BATF2: variants seen among roughly 807,000 people sequenced by gnomAD.
BATF2 encodes the protein basic leucine zipper ATF-like transcription factor 2, also known as basic leucine zipper transcriptional factor ATF-like 2.
Under a neutral mutation model 7.3 loss-of-function variants are expected in BATF2, and 4 were observed. That is an observed-to-expected ratio of 0.55 (90% CI 0.27 to 1.26). BATF2 has a LOEUF of 1.26. BATF2 is among the 50% of genes most tolerant of loss of function. The pLI, the probability that BATF2 is intolerant of heterozygous loss-of-function variation, is 0.11. For synonymous variants in BATF2, 152 were observed against 153.9 expected, an observed-to-expected ratio of 0.99 and a Z score of 0.09; for missense variants, 295 against 340.5, an observed-to-expected ratio of 0.87 and a Z score of 1.05.
In BATF2 at chr11:64,989,984, C is replaced by G. The variant is rs1253218245; in HGVS notation, c.142-172G>C. 2.3e-5 allele frequency: 34 copies of G among 1,502,652 alleles called. No homozygotes were observed. The highest frequency in any genetic ancestry group is 2.8e-5 in the Non-Finnish European group (31 of 1,106,782). 93.1% of individuals were successfully genotyped at this position (1,502,652 alleles called of 1,614,324 possible). ...TGGCCAGCCCTTCATAACCACCTAC[C>G]AAGTCTCCCCTGTCCCACCCTCTGA... is the stretch of plus-strand genomic sequence containing the variant. On this transcript the variant is annotated intron_variant, in intron 2 of 2. Coordinates refer to ENST00000301887, the MANE Select transcript of BATF2 (RefSeq NM_138456.4). This position sits in a 1 kb window ranked among gnomAD's most constrained non-coding sequence, Gnocchi z 4.3.
intron 1 of BATF2, 41 bp from the exon 2 acceptor site, chr11:64,994,590 G>T (rs1462222696): frequency 1.3e-6 from 2 of 1,544,982 alleles, no homozygotes; most frequent in Non-Finnish European, 8.8e-7. Flanking sequence ...GCCCAGCCAG[G>T]CCTTGTGCCC....
chr11:64,995,472 C>T (rs1405537895), intron 1 of BATF2, among the ~76,000 whole-genome samples: 1 of 152,198 alleles, frequency 6.6e-6, no homozygotes, highest in Non-Finnish European at 1.5e-5. Context: ...ACAAAATACA[C>T]ACAAATCCCT....
intron 2 of BATF2, among the ~76,000 whole-genome samples, chr11:64,991,864 T>C (rs1357327330): frequency 6.6e-6 from 1 of 152,202 alleles, no homozygotes; most frequent in Non-Finnish European, 1.5e-5. Context: ...GTGGGTCTCC[T>C]AGGCACCATT....
chr11:64,996,929 A>T lies in BATF2; in HGVS notation c.-15T>A. 6.3e-7 allele frequency: 1 copy of T among 1,584,512 alleles called. No individual in the cohort carries two copies. ...CAGAGGTGCATGGCTTAGGCGGGGG[A>T]GCAGAGTGGTCCCTCAGCAGCTGTG... On this transcript the variant is annotated 5_prime_UTR_variant, in exon 1 of 3. Coordinates refer to ENST00000301887, the MANE Select transcript of BATF2 (RefSeq NM_138456.4).
intron 1 of BATF2, 27 bp downstream of exon 1, chr11:64,996,849 C>A (rs754411266): frequency 3.1e-6 from 5 of 1,612,164 alleles, no homozygotes; most frequent in East Asian, 2.2e-5. Context: ...CCCTTCTCAT[C>A]CCCGATCCCC....
At chr11:64,991,566 C>A (rs917031463) in intron 2 of BATF2, among the ~76,000 whole-genome samples, 5 of 152,230 alleles carry the variant, frequency 3.3e-5, no homozygotes, top group Admixed American at 6.5e-5. Context: ...TTTATTCATT[C>A]GTTTGCCACC....
Position 64,988,768 on chromosome 11 carries a change from C to A in BATF2, c.*361G>T, listed in dbSNP as rs941157758. On this transcript the variant is annotated 3_prime_UTR_variant, in exon 3 of 3. Coordinates refer to ENST00000301887, the MANE Select transcript of BATF2 (RefSeq NM_138456.4). ...GCCCACGGTTTCCAGGATTTCAGCCCCTAGGATGCCTGGGCCAGGACAGGA... is the reference window on the plus strand; with the variant it reads ...GCCCACGGTTTCCAGGATTTCAGCCACTAGGATGCCTGGGCCAGGACAGGA... The A allele has an allele frequency of 3.5e-6, 1 of 282,272 alleles. No homozygotes were observed. Among genetic ancestry groups the A allele is most frequent in the African/African-American group, 2.2e-5 (1 of 45,226 alleles). The allele number at this position is 282,272 out of a possible 1,614,324, so 17.5% of individuals were successfully genotyped here. A position where few individuals can be genotyped will look rare whatever the true frequency, so the allele number is the denominator to read the frequency against.
chr11:64,989,730 C>A lies in BATF2; in HGVS notation c.224G>T (p.Arg75Leu). 6.2e-7 allele frequency: 1 copy of A among 1,613,978 alleles called. No individual in the cohort carries two copies. Among genetic ancestry groups the A allele is most frequent in the African/African-American group, 1.3e-5 (1 of 75,046 alleles). Residue 75 changes from arginine (R) to leucine (L), a missense_variant, in exon 3 of 3, where the codon CGG (arginine) becomes CTG (leucine). Physicochemically the swap from Arg to Leu is moderately radical, Grantham distance 102. Transcript: ENST00000301887. The surrounding 1 kb of genome is among the most constrained non-coding windows in gnomAD (Gnocchi z 4.3). ...SLQAELAWWS[R>L]TLHVHERLCP... ...CAGGCGCTCATGCACGTGCAGGGTC[C>A]GGCTCCACCACGCCAGCTCGGCCTG...
At chr11:64,990,349 C>A in intron 2 of BATF2, 1 of 1,454,880 alleles carries the variant, frequency 6.9e-7, no homozygotes, top group Non-Finnish European at 9.0e-7. Context: ...CCTGGACACC[C>A]TTCCGCCGCC....
In BATF2 at chr11:64,991,965, C is replaced by T. The variant is rs544139553; in HGVS notation, c.142-2153G>A. ...GTGTCATTTGTCCGCAATGCGTTTT[C>T]TTACCTTCATCCTCTGGGAAAACGC... is the stretch of plus-strand genomic sequence containing the variant. On this transcript the variant is annotated intron_variant, in intron 2 of 2. Transcript: ENST00000301887. Among the ~76,000 whole-genome samples, 25 of 152,322 alleles carry T rather than the reference C, an allele frequency of 1.6e-4. 1 individual carries two copies. The South Asian group carries it at 5.2e-3, about 32-fold the overall frequency.
At chr11:64,995,325 T>C (rs1438266847) in intron 1 of BATF2, among the ~76,000 whole-genome samples, 1 of 152,238 alleles carries the variant, frequency 6.6e-6, no homozygotes, top group African/African-American at 2.4e-5. Flanking sequence ...CTTTCCTAAC[T>C]GTGAGCTCCA....
chr11:64,992,553 G>T (rs1238458291), intron 2 of BATF2, among the ~76,000 whole-genome samples: 1 of 152,050 alleles, frequency 6.6e-6, no homozygotes, highest in Middle Eastern at 3.2e-3. Context: ...TGATAGGATT[G>T]GTGGCCTTAT....
At position 64,989,195 on chromosome 11, in the gene BATF2, A is replaced by G. The variant is rs1278823338; in HGVS notation, c.759T>C (p.Val253=). 5.6e-6 allele frequency: 9 copies of G among 1,613,988 alleles called. No homozygotes were observed. Among genetic ancestry groups the G allele is most frequent in the Non-Finnish European group, 7.6e-6 (9 of 1,180,016 alleles). Residue 253 remains valine, a synonymous_variant, in exon 3 of 3, where the codon GTT becomes GTC. Transcript: ENST00000301887. The surrounding 1 kb of genome is among the most constrained non-coding windows in gnomAD (Gnocchi z 4.3). ...GGAGAGGGTGAGGGCTGGGATCCAC[A>G]ACCAGCCCTTGCCAAGTGGCTGCTG... ...ALSAATWQGL[V]VDPSPHPLLA...
Position 64,989,977 on chromosome 11 carries a change from C to T in BATF2, c.142-165G>A. ...CACTCTCTGGCCAGCCCTTCATAAC[C>T]ACCTACCAAGTCTCCCCTGTCCCAC... On this transcript the variant is annotated intron_variant, in intron 2 of 2. Coordinates refer to ENST00000301887, the MANE Select transcript of BATF2 (RefSeq NM_138456.4). This position sits in a 1 kb window ranked among gnomAD's most constrained non-coding sequence, Gnocchi z 4.3. 6.7e-7 allele frequency: 1 copy of T among 1,490,314 alleles called. No homozygotes were observed. Among genetic ancestry groups the T allele is most frequent in the South Asian group, 1.2e-5 (1 of 82,854 alleles). 92.3% of individuals were successfully genotyped at this position (1,490,314 alleles called of 1,614,324 possible). A position where few individuals can be genotyped will look rare whatever the true frequency, so the allele number is the denominator to read the frequency against.
rs554404924 is a variant in BATF2, at chr11:64,990,315, C to T, written c.142-503G>A. 13 of 1,474,300 alleles carry T rather than the reference C, an allele frequency of 8.8e-6. No individual in the cohort carries two copies. In the South Asian group the frequency reaches 1.1e-4, roughly 12 times the overall value. 91.3% of individuals were successfully genotyped at this position (1,474,300 alleles called of 1,614,324 possible). ...TGACCCTCACATGAACTCTGCTTCC[C>T]GGCCACATTTCCTGTTTCCTCTGCC... On this transcript the variant is annotated intron_variant, in intron 2 of 2. Coordinates refer to ENST00000301887, the MANE Select transcript of BATF2 (RefSeq NM_138456.4).
At position 64,989,485 on chromosome 11, in the gene BATF2, ACAGTGAGGG is replaced by A. The variant is rs775870040; in HGVS notation, c.460_468del (p.Pro154_Leu156del). On this transcript the variant is annotated inframe_deletion, in exon 3 of 3. Coordinates refer to ENST00000301887, the MANE Select transcript of BATF2 (RefSeq NM_138456.4). This position sits in a 1 kb window ranked among gnomAD's most constrained non-coding sequence, Gnocchi z 4.3. ...TCAGCAACCACAGCGGGGCCAAGGG[ACAGTGAGGG>A]CAGGGGGCACTGGAGGAGGCTGGGA... 3.1e-6 allele frequency: 5 copies of A among 1,610,186 alleles called. No homozygotes were observed. The highest frequency in any genetic ancestry group is 3.4e-6 in the Non-Finnish European group (4 of 1,178,284).
chr11:64,989,331 G>A lies in BATF2; in HGVS notation c.623C>T (p.Pro208Leu). 1 of 1,574,190 alleles carries A rather than the reference G, an allele frequency of 6.4e-7. No individual in the cohort carries two copies. Among genetic ancestry groups the A allele is most frequent in the Non-Finnish European group, 8.6e-7 (1 of 1,159,706 alleles). Residue 208 changes from proline to leucine, a missense_variant, in exon 3 of 3, where the codon CCC (proline) becomes CTC (leucine). Pro to Leu is a moderately conservative substitution (Grantham distance 98). Transcript: ENST00000301887. This position sits in a 1 kb window ranked among gnomAD's most constrained non-coding sequence, Gnocchi z 4.3. ...SLTAQTAPPQPLELEHPTRGK... is the reference protein window; with the variant it reads ...SLTAQTAPPQLLELEHPTRGK... ...TCTGGTGGGATGCTCCAGCTCGAGG[G>A]GCTGTGGAGGGGCAGTTTGGGCCGT...
In BATF2 at chr11:64,988,835, C is replaced by A. The variant is rs1272926738; in HGVS notation, c.*294G>T. The A allele has an allele frequency of 4.2e-5, 18 of 428,928 alleles. 1 individual carries two copies. The South Asian group carries it at 4.7e-4, about 11-fold the overall frequency. The allele number at this position is 428,928 out of a possible 1,614,324, so 26.6% of individuals were successfully genotyped here. On this transcript the variant is annotated 3_prime_UTR_variant, in exon 3 of 3. Transcript: ENST00000301887. ...GTGGTGTTTCGGGCTCCAAGAAAGT[C>A]TTCGTGACCTTGGACTTGTCACTTG...
At position 64,996,896 on chromosome 11, in the gene BATF2, T is replaced by C; in HGVS notation, c.19A>G (p.Asn7Asp). The C allele has an allele frequency of 6.2e-7, 1 of 1,608,038 alleles. No homozygotes were observed. Residue 7 changes from asparagine (N) to aspartate (D), a missense_variant, in exon 1 of 3, where the codon AAT (asparagine) becomes GAT (aspartate). Asn to Asp is a conservative substitution (Grantham distance 23). Coordinates refer to ENST00000301887, the MANE Select transcript of BATF2 (RefSeq NM_138456.4). ...CTCACTGTCTGGGTCAGCAGCCCAT[T>C]GCCCCCACAGAGGTGCATGGCTTAG... MHLCGG[N>D]GLLTQTDPKE...
Sources: gnomAD v4.1 joint callset for allele counts (sites outside exome capture counted in the v4.1 genomes callset) on GRCh38, gnomAD v4.1.1 for gene constraint, Gnocchi (gnomAD v3.1) non-coding constraint, MANE v1.5 for transcripts, NCBI Gene and HGNC (gene_info 2026-07-23, HGNC 2026-07-21) for gene names.